GTF2H1: variants seen among roughly 807,000 people sequenced by gnomAD.
GTF2H1 encodes BTF2 p62.
In GTF2H1, 16 loss-of-function variants were observed where a neutral mutation model predicts 71.2. The observed-to-expected ratio is 0.22, with a 90% CI of 0.15 to 0.34. GTF2H1 has a LOEUF of 0.34. GTF2H1 is among the 10% of genes least tolerant of loss of function. The pLI is 1.00. For missense variants in GTF2H1, 498 were observed against 648.2 expected (o/e 0.77, Z 2.52); for synonymous variants, 215 against 219.0 (o/e 0.98, Z 0.16).
chr11:18,346,434 G>C (rs778075786), intron 7 of GTF2H1, among the ~76,000 whole-genome samples: 1 of 151,996 alleles, frequency 6.6e-6, no homozygotes, highest in Non-Finnish European at 1.5e-5. Flanking sequence ...AACCTTTTTC[G>C]AACCCTCTTC....
intron 9 of GTF2H1, chr11:18,348,612 C>G (rs1362599816): frequency 6.6e-6 from 1 of 152,112 alleles, no homozygotes; most frequent in Non-Finnish European, 1.5e-5. Flanking sequence ...ATAATAAAGA[C>G]AGTAGCAAGG....
At chr11:18,330,380 C>G (rs1208698586) in intron 1 of GTF2H1, among the ~76,000 whole-genome samples, 1 of 152,116 alleles carries the variant, frequency 6.6e-6, no homozygotes, top group Non-Finnish European at 1.5e-5. Flanking sequence ...AAATATGTTG[C>G]AAGAAAGCAA....
intron 11 of GTF2H1, among the ~76,000 whole-genome samples, chr11:18,353,457 T>C (rs1471217011): frequency 6.6e-6 from 1 of 152,180 alleles, no homozygotes; most frequent in Non-Finnish European, 1.5e-5. Context: ...CACTAAGCTG[T>C]CCAGAATCTT....
At chr11:18,345,099 G>A in intron 7 of GTF2H1, among the ~76,000 whole-genome samples, 1 of 142,392 alleles carries the variant, frequency 7.0e-6, no homozygotes, top group Admixed American at 6.8e-5. Context: ...GCTAAGGTAG[G>A]AGGATCACTT....
intron 10 of GTF2H1, 32 bp downstream of exon 10, chr11:18,352,001 A>T (rs778240500): frequency 7.2e-6 from 8 of 1,105,442 alleles, no homozygotes; most frequent in South Asian, 6.2e-5. Flanking sequence ...CAGAATAGCT[A>T]TGTAACAATT....
At chr11:18,329,214 C>A (rs1319203653) in intron 1 of GTF2H1, among the ~76,000 whole-genome samples, 2 of 152,136 alleles carry the variant, frequency 1.3e-5, no homozygotes, top group Non-Finnish European at 2.9e-5. Context: ...TAAAAGCAGT[C>A]ATCTAATCGG....
At chr11:18,347,457 T>C in intron 7 of GTF2H1, 131 bp from the exon 8 acceptor site, 1 of 591,498 alleles carries the variant, frequency 1.7e-6, no homozygotes, top group Non-Finnish European at 2.9e-6. Flanking sequence ...TAAATGTTTG[T>C]TCATAAATAT....
intron 9 of GTF2H1, chr11:18,348,727 T>A (rs1176233604): frequency 6.6e-6 from 1 of 152,222 alleles, no homozygotes; most frequent in Non-Finnish European, 1.5e-5. Context: ...CTGAACAGAT[T>A]GTACAGTACA....
rs571874334 is a variant in GTF2H1, at chr11:18,344,360, C to T, written c.837+2753C>T. ...ATAGGCCGGGCGTGGTGGCTCGTGC[C>T]TGTGATCGAGCACTTTGGGACGCCA... is the stretch of plus-strand genomic sequence containing the variant. On this transcript the variant is annotated intron_variant, in intron 7 of 14. Coordinates refer to ENST00000265963, the MANE Select transcript of GTF2H1 (RefSeq NM_005316.4). Among the ~76,000 whole-genome samples, 4 of 152,230 alleles carry T rather than the reference C, an allele frequency of 2.6e-5. No individual in the cohort carries two copies. The East Asian group carries it at 7.7e-4, about 29-fold the overall frequency.
chr11:18,354,696 T>C (rs1342509761), intron 11 of GTF2H1, among the ~76,000 whole-genome samples: 1 of 152,248 alleles, frequency 6.6e-6, no homozygotes, highest in African/African-American at 2.4e-5. Context: ...TCTATGTATA[T>C]CAGCTGACAT....
At chr11:18,357,266 G>C (rs1267874979) in intron 11 of GTF2H1, among the ~76,000 whole-genome samples, 1 of 152,150 alleles carries the variant, frequency 6.6e-6, no homozygotes, top group Non-Finnish European at 1.5e-5. Context: ...TCATCGAATA[G>C]ATAGGTCAAT....
rs775167291 is a variant in GTF2H1, at chr11:18,365,744, CT to C, written c.1561-35del. Reference sequence around the variant, plus strand: ...GGGTTGGAAGGATTAACTTCCCCTGCTTTTGCCCAGTTGTTAAGTGTCTTGC... The same window carrying C: ...GGGTTGGAAGGATTAACTTCCCCTGCTTTGCCCAGTTGTTAAGTGTCTTGC... On this transcript the variant is annotated intron_variant, in intron 14 of 14. Transcript: ENST00000265963. The C allele has an allele frequency of 1.3e-5, 18 of 1,406,948 alleles. No individual in the cohort carries two copies. The Middle Eastern group carries it at 5.3e-4, about 41-fold the overall frequency. The allele number at this position is 1,406,948 out of a possible 1,614,324, so 87.2% of individuals were successfully genotyped here. A position where few individuals can be genotyped will look rare whatever the true frequency, so the allele number is the denominator to read the frequency against.
At chr11:18,357,284 T>G (rs1462349972) in intron 11 of GTF2H1, among the ~76,000 whole-genome samples, 1 of 152,220 alleles carries the variant, frequency 6.6e-6, no homozygotes, top group Admixed American at 6.5e-5. Flanking sequence ...AATTTTTTCC[T>G]AAATGTTGAT....
intron 1 of GTF2H1, 24 bp from the exon 2 acceptor site, chr11:18,333,036 C>T (rs1243474155): frequency 1.3e-6 from 2 of 1,544,738 alleles, no homozygotes; most frequent in Admixed American, 2.1e-5. Flanking sequence ...TAGTTTTTTT[C>T]TTCATCTTTT....
chr11:18,345,814 C>T (rs1368060514), intron 7 of GTF2H1, among the ~76,000 whole-genome samples: 2 of 25,654 alleles, frequency 7.8e-5, no homozygotes, highest in African/African-American at 2.3e-4. Context: ...TTTTTTGAGA[C>T]GGAGTCTTGC....
intron 14 of GTF2H1, among the ~76,000 whole-genome samples, chr11:18,362,649 A>G (rs1865729825): frequency 6.9e-6 from 1 of 145,640 alleles, no homozygotes; most frequent in Non-Finnish European, 1.5e-5. Context: ...CCGTATAGAT[A>G]TATATATTTT....
chr11:18,344,965 G>A (rs1865252709), intron 7 of GTF2H1, among the ~76,000 whole-genome samples: 1 of 152,008 alleles, frequency 6.6e-6, no homozygotes, highest in South Asian at 2.1e-4. Context: ...TAGCACTTTG[G>A]GAGGCTGAGG....
intron 3 of GTF2H1, 39 bp from the exon 4 acceptor site, chr11:18,338,070 C>T: frequency 1.4e-6 from 2 of 1,421,794 alleles, no homozygotes; most frequent in South Asian, 1.2e-5. Flanking sequence ...GTGTTTTATT[C>T]TAGAAGTTCA....
intron 9 of GTF2H1, among the ~76,000 whole-genome samples, chr11:18,350,887 CA>C (rs1865405572): frequency 1.3e-5 from 2 of 152,018 alleles, no homozygotes; most frequent in Admixed American, 1.3e-4. Flanking sequence ...GTTAATAGCA[CA>C]GGGGGTAACA....
Sources: gnomAD v4.1 joint callset for allele counts (sites outside exome capture counted in the v4.1 genomes callset) on GRCh38, gnomAD v4.1.1 for gene constraint, MANE v1.5 for transcripts, NCBI Gene and HGNC (gene_info 2026-07-23, HGNC 2026-07-21) for gene names.